The following FRMPD1 variants were observed in gnomAD, a reference collection of about 807,000 sequenced individuals.
FRMPD1 encodes the protein FERM and PDZ domain containing 1.
Under a neutral mutation model 117.8 loss-of-function variants are expected in FRMPD1, and 76 were observed. The ratio of observed to expected loss-of-function variants is 0.65; its 90% CI spans 0.54 to 0.78. The LOEUF (loss-of-function observed/expected upper bound fraction) is 0.78. Ranked by LOEUF, FRMPD1 falls within the 30% of genes least tolerant of loss-of-function variation. The pLI is 0.00. For synonymous variants in FRMPD1, 783 were observed against 770.4 expected (o/e 1.02, Z -0.27); for missense variants, 1,786 against 1,964.5 (o/e 0.91, Z 1.72).
chr9:37,735,708 G>A lies in FRMPD1; in HGVS notation c.1375G>A (p.Val459Ile), dbSNP rs774561681. 38 of 1,613,510 alleles carry A rather than the reference G, an allele frequency of 2.4e-5. No homozygotes were observed. Among genetic ancestry groups the A allele is most frequent in the African/African-American group, 8.0e-5 (6 of 74,898 alleles). Residue 459 changes from valine to isoleucine, a missense_variant, in exon 13 of 16, where the codon GTC (valine) becomes ATC (isoleucine). Physicochemically the swap from Val to Ile is conservative, Grantham distance 29. Transcript: ENST00000377765. ...LTEESEKVSV[V>I]KVYLQDVKVL... is the part of the protein sequence containing the mutation. The stretch of plus-strand genomic sequence containing the variant: ...GGAAGAGTCTGAGAAAGTGAGCGTC[G>A]TCAAAGTGTATCTTCAGGACGTCAA...
intron 1 of FRMPD1, among the ~76,000 whole-genome samples, chr9:37,675,581 C>T (rs975344837): frequency 1.1e-4 from 16 of 152,006 alleles, no homozygotes; most frequent in Admixed American, 2.6e-4. Context: ...AGGTGGATGC[C>T]TGGGTTCTGG....
chr9:37,743,406 G>A (rs906490707), intron 15 of FRMPD1, among the ~76,000 whole-genome samples: 1 of 151,940 alleles, frequency 6.6e-6, no homozygotes, highest in African/African-American at 2.4e-5. Flanking sequence ...TTATAGAATT[G>A]CTGGCAAGCC....
At chr9:37,619,112 G>A in the FRMPD1 span, among the ~76,000 whole-genome samples, 1 of 152,202 alleles carries the variant, frequency 6.6e-6, no homozygotes, top group Non-Finnish European at 1.5e-5. Context: ...ATGCCATAAG[G>A]TTCTATGACA....
At chr9:37,730,882 G>C (rs1823835915) in intron 8 of FRMPD1, 102 bp from the exon 9 acceptor site, 20 of 1,187,642 alleles carry the variant, frequency 1.7e-5, no homozygotes, top group East Asian at 4.7e-5. Context: ...AAATCTCTGG[G>C]AACTGTCTTT....
At chr9:37,646,159 C>T (rs999577074), upstream of FRMPD1, among the ~76,000 whole-genome samples, 1 of 152,146 alleles carries the variant, frequency 6.6e-6, no homozygotes, top group Non-Finnish European at 1.5e-5. Flanking sequence ...CTCACTGAAG[C>T]CTTGATGTAA....
At chr9:37,672,917 CAT>C (rs1009679493) in intron 1 of FRMPD1, among the ~76,000 whole-genome samples, 3 of 152,140 alleles carry the variant, frequency 2.0e-5, no homozygotes, top group Admixed American at 6.5e-5. Flanking sequence ...CCTCCCAGAA[CAT>C]GTGGGAATTC....
rs745343064 is a variant in FRMPD1 at position 37,735,665 on chromosome 9, C to T, written c.1332C>T (p.Ile444=). 25 of 1,614,010 alleles carry T rather than the reference C, an allele frequency of 1.5e-5. No individual in the cohort carries two copies. Among genetic ancestry groups the T allele is most frequent in the Middle Eastern group, 3.3e-4 (2 of 6,062 alleles). Residue 444 remains isoleucine, a synonymous_variant, in exon 13 of 16, where the codon ATC becomes ATT. Transcript: ENST00000377765. The stretch of plus-strand genomic sequence containing the variant: ...CCACATTGGCAGAGTTTGCAAACAT[C>T]AGCCGTGTAGAGCTAACGGAAGAGT... ...IMSTLAEFAN[I]SRVELTEESE...
At chr9:37,605,682 T>TTTTATTTATTTATTTA in the FRMPD1 span, among the ~76,000 whole-genome samples, 4 of 143,650 alleles carry the variant, frequency 2.8e-5, no homozygotes, top group Non-Finnish European at 4.5e-5. Context: ...TCTGGTAGAA[T>TTTTATTTATTTATTTA]TTTATTTATT....
chr9:37,625,086 G>A, the FRMPD1 span, among the ~76,000 whole-genome samples: 1 of 152,316 alleles, frequency 6.6e-6, no homozygotes, highest in Admixed American at 6.5e-5. Flanking sequence ...ATCATTAGTA[G>A]CTTTGACTAA....
chr9:37,663,316 C>T (rs1821055360), intron 1 of FRMPD1, among the ~76,000 whole-genome samples: 1 of 151,966 alleles, frequency 6.6e-6, no homozygotes, highest in Admixed American at 6.6e-5. Context: ...TTCAGGAAGT[C>T]TTTTGGAGGA....
At chr9:37,626,134 C>T in the FRMPD1 span, among the ~76,000 whole-genome samples, 1 of 152,130 alleles carries the variant, frequency 6.6e-6, no homozygotes, top group Non-Finnish European at 1.5e-5. Context: ...CAAGATCAGC[C>T]TGGCCAACAT....
chr9:37,644,243 T>C, the FRMPD1 span, among the ~76,000 whole-genome samples: 1 of 152,142 alleles, frequency 6.6e-6, no homozygotes, highest in African/African-American at 2.4e-5. Flanking sequence ...GGGACAGTTC[T>C]TCCTCTCCTG....
At chr9:37,672,459 C>T (rs116504025) in intron 1 of FRMPD1, among the ~76,000 whole-genome samples, 316 of 152,268 alleles carry the variant, frequency 2.1e-3, no homozygotes, top group African/African-American at 7.2e-3. Context: ...GTACCACTTA[C>T]GAAGGGCTTA....
the FRMPD1 span, among the ~76,000 whole-genome samples, chr9:37,636,040 T>C: frequency 0.14 from 21,037 of 152,134 alleles, 1,490 homozygotes; most frequent in Admixed American, 0.2. Flanking sequence ...GGAGCAGACT[T>C]TCTCCAGGCT....
upstream of FRMPD1, among the ~76,000 whole-genome samples, chr9:37,649,699 C>G (rs1411801591): frequency 6.6e-6 from 1 of 152,158 alleles, no homozygotes; most frequent in East Asian, 1.9e-4. Flanking sequence ...GTGCACCATC[C>G]CCAGAATGAT....
the FRMPD1 span, among the ~76,000 whole-genome samples, chr9:37,610,882 G>C: frequency 6.6e-6 from 1 of 152,236 alleles, no homozygotes; most frequent in Admixed American, 6.5e-5. Context: ...GATTACAGGC[G>C]TGAGCCACCA....
chr9:37,736,670 A>T (rs572423769), intron 13 of FRMPD1, among the ~76,000 whole-genome samples: 3 of 152,026 alleles, frequency 2.0e-5, no homozygotes, highest in Admixed American at 1.3e-4. Flanking sequence ...CCTCTCCCTC[A>T]TTCTCCACAT....
At chr9:37,717,298 A>G (rs1406331934) in intron 5 of FRMPD1, among the ~76,000 whole-genome samples, 1 of 146,272 alleles carries the variant, frequency 6.8e-6, no homozygotes, top group Non-Finnish European at 1.5e-5. Flanking sequence ...GCCGAGAAAA[A>G]AAAAATATAT....
At chr9:37,691,579 A>G (rs924404507) in intron 1 of FRMPD1, among the ~76,000 whole-genome samples, 1 of 152,254 alleles carries the variant, frequency 6.6e-6, no homozygotes, top group Admixed American at 6.5e-5. Context: ...CTTTTTATAC[A>G]TCTAAAAGTG....
Sources: gnomAD v4.1 joint callset for allele counts (sites outside exome capture counted in the v4.1 genomes callset) on GRCh38, gnomAD v4.1.1 for gene constraint, MANE v1.5 for transcripts, NCBI Gene and HGNC (gene_info 2026-07-23, HGNC 2026-07-21) for gene names.